The following CDH13 variants were observed in gnomAD, a reference collection of about 807,000 sequenced individuals.
CDH13 encodes the protein cadherin 13.
Under a neutral mutation model 63.8 loss-of-function variants are expected in CDH13, and 24 were observed. That is an observed-to-expected ratio of 0.38 (90% CI 0.27 to 0.53). CDH13 has a LOEUF of 0.53. Among genes scored for constraint, CDH13 ranks in the 20% least tolerant of loss-of-function variants. CDH13 has a pLI of 0.85. For missense variants in CDH13, 1,049 were observed against 903.1 expected, an observed-to-expected ratio of 1.16 and a Z score of -2.07; for synonymous variants, 503 against 355.3, an observed-to-expected ratio of 1.42 and a Z score of -4.67.
chr16:83,031,396 ATATACATGTATATG>A (rs1567761957), intron 2 of CDH13, among the ~76,000 whole-genome samples: 8 of 144,650 alleles, frequency 5.5e-5, no homozygotes, highest in African/African-American at 1.6e-4. Context: ...ATGTATATAC[ATATACATGTATATG>A]TATACACGTA....
intron 1 of CDH13, among the ~76,000 whole-genome samples, chr16:82,793,401 C>T (rs1408053506): frequency 2.6e-5 from 4 of 152,070 alleles, no homozygotes; most frequent in Non-Finnish European, 5.9e-5. Context: ...ATCACTCCAC[C>T]CCTCCTGTCC....
At chr16:83,161,221 T>C (rs1050504944) in intron 4 of CDH13, among the ~76,000 whole-genome samples, 9 of 152,166 alleles carry the variant, frequency 5.9e-5, no homozygotes, top group African/African-American at 2.2e-4. Context: ...GGAGATATAC[T>C]AATATCTCAA....
At chr16:83,131,442 C>T (rs1226590155) in intron 4 of CDH13, among the ~76,000 whole-genome samples, 2 of 152,138 alleles carry the variant, frequency 1.3e-5, no homozygotes, top group Non-Finnish European at 2.9e-5. Context: ...TGGAGAGGAA[C>T]ATGCAGATCC....
chr16:83,433,181 G>A (rs1598008842), intron 6 of CDH13, among the ~76,000 whole-genome samples: 2 of 152,168 alleles, frequency 1.3e-5, no homozygotes, highest in African/African-American at 4.8e-5. Context: ...GAACTTACTG[G>A]TAGAGTGTTG....
At chr16:83,093,403 C>T (rs951404324) in intron 3 of CDH13, among the ~76,000 whole-genome samples, 1 of 146,254 alleles carries the variant, frequency 6.8e-6, no homozygotes, top group African/African-American at 2.5e-5. Flanking sequence ...ACTGCAACCT[C>T]CACCTCCCGG....
chr16:83,636,141 G>A lies in CDH13; in HGVS notation c.1101+33547G>A, dbSNP rs147740904. On this transcript the variant is annotated intron_variant, in intron 8 of 13. Transcript: ENST00000567109. Reference sequence around the variant, plus strand: ...TGTGGGTGCAGGTGTATTTGTGCAGGTCTATTCCGTGTCCTCCGTTCTGTC... The same window carrying A: ...TGTGGGTGCAGGTGTATTTGTGCAGATCTATTCCGTGTCCTCCGTTCTGTC... Among the ~76,000 whole-genome samples the A allele has an allele frequency of 8.5e-4, 128 of 151,440 alleles. No individual in the cohort carries two copies. The South Asian group carries it at 9.2e-3, about 11-fold the overall frequency.
chr16:82,988,150 G>A (rs191089774), intron 2 of CDH13, among the ~76,000 whole-genome samples: 12 of 152,250 alleles, frequency 7.9e-5, no homozygotes, highest in South Asian at 2.1e-4. Context: ...ACCCAGGGTC[G>A]TGTGTGTACA....
intron 6 of CDH13, among the ~76,000 whole-genome samples, chr16:83,346,464 A>G (rs888382564): frequency 1.3e-5 from 2 of 152,224 alleles, no homozygotes; most frequent in Non-Finnish European, 2.9e-5. Flanking sequence ...CAGAAAAATG[A>G]TTCCCAATTG....
chr16:82,680,511 G>A (rs925647153), intron 1 of CDH13, among the ~76,000 whole-genome samples: 3 of 152,098 alleles, frequency 2.0e-5, no homozygotes, highest in East Asian at 1.9e-4. Flanking sequence ...AGTGTGGATA[G>A]GACAGATTAT....
At chr16:83,783,863 T>C (rs148893522) in intron 13 of CDH13, among the ~76,000 whole-genome samples, 7 of 152,336 alleles carry the variant, frequency 4.6e-5, no homozygotes, top group African/African-American at 1.4e-4. Context: ...AAAACAGATA[T>C]TATGAGACTT....
chr16:83,724,680 A>G lies in CDH13; in HGVS notation c.1539-23428A>G, dbSNP rs146796392. Among the ~76,000 whole-genome samples the G allele has an allele frequency of 1.7e-3, 263 of 152,296 alleles. 1 individual carries two copies. Among genetic ancestry groups the G allele is most frequent in the African/African-American group, 6.1e-3 (255 of 41,546 alleles). ...TCCTACCATCTCACTGAAGGAGCCT[A>G]TCTCCTAAGCTCTCTCCTAGACACC... is the stretch of plus-strand genomic sequence containing the variant. On this transcript the variant is annotated intron_variant, in intron 10 of 13. Coordinates refer to ENST00000567109, the MANE Select transcript of CDH13 (RefSeq NM_001257.5).
intron 1 of CDH13, among the ~76,000 whole-genome samples, chr16:82,780,181 A>T (rs1188002639): frequency 1.3e-5 from 2 of 152,106 alleles, no homozygotes; most frequent in Non-Finnish European, 2.9e-5. Context: ...TCAGGACTAT[A>T]TATTTAAGAA....
intron 7 of CDH13, among the ~76,000 whole-genome samples, chr16:83,504,632 G>C (rs2151592029): frequency 1.3e-5 from 2 of 152,210 alleles, no homozygotes; most frequent in South Asian, 4.2e-4. Flanking sequence ...GTGCCAGTGG[G>C]GCTGATATGG....
rs542963722 is a variant in CDH13 at position 83,534,274 on chromosome 16, T to C, written c.960+47619T>C. On this transcript the variant is annotated intron_variant, in intron 7 of 13. Coordinates refer to ENST00000567109, the MANE Select transcript of CDH13 (RefSeq NM_001257.5). ...GGTGGTTCAGAGGCAGAGCTGTGGA[T>C]CCTCACAGCCTGGATTCAAATACCA... Among the ~76,000 whole-genome samples, 6 of 152,314 alleles carry C rather than the reference T, an allele frequency of 3.9e-5. No homozygotes were observed. The East Asian group carries it at 9.7e-4, about 25-fold the overall frequency.
At chr16:82,797,373 T>C (rs2036634092) in intron 1 of CDH13, among the ~76,000 whole-genome samples, 1 of 152,202 alleles carries the variant, frequency 6.6e-6, no homozygotes, top group Non-Finnish European at 1.5e-5. Context: ...CCATGCATCA[T>C]TAGTGCAGAG....
chr16:83,037,337 C>T (rs1187253794), intron 3 of CDH13, among the ~76,000 whole-genome samples: 1 of 152,182 alleles, frequency 6.6e-6, no homozygotes, highest in African/African-American at 2.4e-5. Context: ...GATTGAAATT[C>T]TGGCCTCTGC....
intron 7 of CDH13, among the ~76,000 whole-genome samples, chr16:83,562,219 C>T (rs2075721797): frequency 6.6e-6 from 1 of 152,208 alleles, no homozygotes; most frequent in Non-Finnish European, 1.5e-5. Context: ...CAGGAATCTT[C>T]TGACCTGGAT....
intron 1 of CDH13, among the ~76,000 whole-genome samples, chr16:82,832,129 G>C (rs2038567350): frequency 6.6e-6 from 1 of 152,160 alleles, no homozygotes; most frequent in Admixed American, 6.5e-5. Flanking sequence ...TATGTATGAA[G>C]ATGTTACTGT....
chr16:83,070,426 A>C (rs935964418), intron 3 of CDH13, among the ~76,000 whole-genome samples: 8 of 152,238 alleles, frequency 5.3e-5, no homozygotes, highest in Non-Finnish European at 7.3e-5. Context: ...TTAAAGAATA[A>C]GTTAAGATAC....
Sources: allele counts gnomAD v4.1 joint callset (sites outside exome capture counted in the v4.1 genomes callset), GRCh38; gene constraint gnomAD v4.1.1; transcripts MANE v1.5; gene names NCBI Gene and HGNC (gene_info 2026-07-23, HGNC 2026-07-21).